The following KIAA1217 variants were observed in gnomAD, a reference collection of about 807,000 sequenced individuals.
KIAA1217 encodes the protein sickle tail protein homolog.
KIAA1217 carries 88 observed loss-of-function variants against 163.9 expected under a neutral mutation model. The observed-to-expected ratio is 0.54, with a 90% CI of 0.45 to 0.64. The LOEUF (loss-of-function observed/expected upper bound fraction) is 0.64, where lower values mean the gene tolerates loss of function less well. Ranked by LOEUF, KIAA1217 falls within the 30% of genes least tolerant of loss-of-function variation. KIAA1217 has a pLI of 0.00. For synonymous variants in KIAA1217, 903 were observed against 923.1 expected, an observed-to-expected ratio of 0.98 and a Z score of 0.39; for missense variants, 2,372 against 2,475.0, an observed-to-expected ratio of 0.96 and a Z score of 0.88.
chr10:24,513,941 C>T (rs1004212118), intron 10 of KIAA1217, among the ~76,000 whole-genome samples: 1 of 152,110 alleles, frequency 6.6e-6, no homozygotes, highest in Non-Finnish European at 1.5e-5. Context: ...CAAAATAACA[C>T]AGCTCTAAAA....
intron 1 of KIAA1217, among the ~76,000 whole-genome samples, chr10:23,785,417 G>C (rs1487237188): frequency 6.6e-6 from 1 of 152,154 alleles, no homozygotes; most frequent in Non-Finnish European, 1.5e-5. Flanking sequence ...ACTTGACATA[G>C]AGTTTTATAA....
chr10:24,483,798 CA>C (rs1273847184), intron 6 of KIAA1217, among the ~76,000 whole-genome samples: 1 of 152,160 alleles, frequency 6.6e-6, no homozygotes. Flanking sequence ...TTCCAGAACA[CA>C]AATGTTCCAG....
chr10:23,722,102 T>C (rs1837903911), intron 1 of KIAA1217, among the ~76,000 whole-genome samples: 1 of 152,090 alleles, frequency 6.6e-6, no homozygotes, highest in African/African-American at 2.4e-5. Flanking sequence ...GAAAGACAAA[T>C]ACTGTATGAA....
chr10:24,249,852 G>A (rs2131472901), intron 2 of KIAA1217, among the ~76,000 whole-genome samples: 1 of 152,316 alleles, frequency 6.6e-6, no homozygotes, highest in East Asian at 1.9e-4. Flanking sequence ...ACTCAAGCAA[G>A]CCTAGGGCAT....
At chr10:23,913,737 A>G (rs757854574) in intron 1 of KIAA1217, among the ~76,000 whole-genome samples, 2 of 152,150 alleles carry the variant, frequency 1.3e-5, no homozygotes, top group Non-Finnish European at 2.9e-5. Flanking sequence ...GATTCTCCAC[A>G]TAGACTAATA....
chr10:24,330,515 G>C (rs2045537722), intron 2 of KIAA1217, among the ~76,000 whole-genome samples: 1 of 152,152 alleles, frequency 6.6e-6, no homozygotes, highest in Admixed American at 6.6e-5. Flanking sequence ...CCATACATAG[G>C]CTTCCAGAAC....
chr10:24,102,412 T>C (rs1409766161), intron 2 of KIAA1217, among the ~76,000 whole-genome samples: 1 of 152,222 alleles, frequency 6.6e-6, no homozygotes, highest in African/African-American at 2.4e-5. Flanking sequence ...AATGGAAATA[T>C]ATTACATGTT....
intron 1 of KIAA1217, among the ~76,000 whole-genome samples, chr10:23,904,627 C>T (rs1185615661): frequency 6.6e-6 from 1 of 152,096 alleles, no homozygotes; most frequent in Non-Finnish European, 1.5e-5. Context: ...TTCTTGAGTA[C>T]TTCCACCTGG....
intron 2 of KIAA1217, among the ~76,000 whole-genome samples, chr10:24,177,956 T>C (rs2065988342): frequency 6.6e-6 from 1 of 152,236 alleles, no homozygotes; most frequent in Non-Finnish European, 1.5e-5. Flanking sequence ...CTAATGTGTG[T>C]ACAGATAGCA....
intron 2 of KIAA1217, among the ~76,000 whole-genome samples, chr10:24,348,141 G>A (rs1426244104): frequency 6.6e-6 from 1 of 152,154 alleles, no homozygotes; most frequent in East Asian, 1.9e-4. Context: ...TAGATCACTT[G>A]AGGTCAGAAG....
chr10:23,926,349 A>G (rs927556695), intron 1 of KIAA1217, among the ~76,000 whole-genome samples: 5 of 152,254 alleles, frequency 3.3e-5, no homozygotes, highest in African/African-American at 9.6e-5. Flanking sequence ...GGATTAATAC[A>G]CATCTCATAT....
At position 24,141,235 on chromosome 10, in the gene KIAA1217, C is replaced by G. The variant is rs878975796; in HGVS notation, c.-170-78391C>G. Among the ~76,000 whole-genome samples the G allele has an allele frequency of 4.4e-5, 6 of 135,348 alleles. No individual in the cohort carries two copies. In the East Asian group the frequency reaches 1.2e-3, roughly 28 times the overall value. 88.8% of individuals were successfully genotyped at this position (135,348 alleles called of 152,430 possible). A position where few individuals can be genotyped will look rare whatever the true frequency, so the allele number is the denominator to read the frequency against. On this transcript the variant is annotated intron_variant, in intron 2 of 18. Coordinates refer to the KIAA1217 transcript ENST00000376462. ...TCAGAGAAAGAATAAACCCCCCCCC[C>G]CCATTTCTCTCTTCTTTCCTTTTCT...
intron 1 of KIAA1217, among the ~76,000 whole-genome samples, chr10:23,931,437 T>G (rs965620886): frequency 1.6e-4 from 24 of 152,190 alleles, no homozygotes; most frequent in African/African-American, 5.8e-4. Flanking sequence ...AGAGTCACTG[T>G]GTCAAGGCCA....
At chr10:23,812,000 G>A (rs1332323594) in intron 1 of KIAA1217, among the ~76,000 whole-genome samples, 3 of 152,072 alleles carry the variant, frequency 2.0e-5, no homozygotes, top group South Asian at 2.1e-4. Context: ...TGAGGGGATC[G>A]CTTGAGCCCA....
At chr10:23,700,131 C>G (rs74122364) in intron 1 of KIAA1217, among the ~76,000 whole-genome samples, 10,105 of 152,224 alleles carry the variant, frequency 0.066, 942 homozygotes, top group African/African-American at 0.2. Flanking sequence ...AATATGCCTG[C>G]TCCCTGCTTC....
intron 2 of KIAA1217, among the ~76,000 whole-genome samples, chr10:24,256,802 T>A (rs1240754091): frequency 5.9e-5 from 9 of 152,186 alleles, no homozygotes. Flanking sequence ...GATATCTTTG[T>A]GTTGAGGTGA....
At chr10:23,837,096 G>T (rs373867448) in intron 1 of KIAA1217, among the ~76,000 whole-genome samples, 1 of 152,058 alleles carries the variant, frequency 6.6e-6, no homozygotes, top group Non-Finnish European at 1.5e-5. Flanking sequence ...CTCCTTATAA[G>T]CGAGAACATG....
At chr10:24,353,219 G>A (rs1005799785) in intron 2 of KIAA1217, among the ~76,000 whole-genome samples, 9 of 152,132 alleles carry the variant, frequency 5.9e-5, no homozygotes, top group Admixed American at 1.3e-4. Context: ...GCTGTGAAAC[G>A]ACAGTGTCAC....
At chr10:24,202,115 G>A (rs117327788) in intron 2 of KIAA1217, among the ~76,000 whole-genome samples, 7 of 152,310 alleles carry the variant, frequency 4.6e-5, no homozygotes, top group South Asian at 4.1e-4. Context: ...TTTGCACTGC[G>A]CCTTTCATTC....
Sources: allele counts gnomAD v4.1 joint callset (sites outside exome capture counted in the v4.1 genomes callset), GRCh38; gene constraint gnomAD v4.1.1; transcripts MANE v1.5; gene names NCBI Gene and HGNC (gene_info 2026-07-23, HGNC 2026-07-21).